The following SORBS2 variants were observed in gnomAD, a reference collection of about 807,000 sequenced individuals.
SORBS2 encodes the protein sorbin and SH3 domain-containing protein 2.
SORBS2 carries 46 observed loss-of-function variants against 97.7 expected under a neutral mutation model. That is an observed-to-expected ratio of 0.47 (90% CI 0.37 to 0.60). The LOEUF (loss-of-function observed/expected upper bound fraction) is 0.60, where lower values mean the gene tolerates loss of function less well. Among genes scored for constraint, SORBS2 ranks in the 20% least tolerant of loss-of-function variants. SORBS2 has a pLI of 0.00. For missense variants in SORBS2, 1,316 were observed against 1,282.3 expected (o/e 1.03, Z -0.40); for synonymous variants, 476 against 473.4 (o/e 1.01, Z -0.07).
intron 12 of SORBS2, among the ~76,000 whole-genome samples, chr4:185,602,899 A>C (rs944509172): frequency 6.6e-6 from 1 of 152,230 alleles, no homozygotes; most frequent in Non-Finnish European, 1.5e-5. Context: ...GTTTAAAAAA[A>C]CTCAGTGGGA....
chr4:185,884,763 T>A (rs1169746126), intron 1 of SORBS2, among the ~76,000 whole-genome samples: 1 of 152,232 alleles, frequency 6.6e-6, no homozygotes, highest in African/African-American at 2.4e-5. Context: ...CAGACTTATA[T>A]GGAGTCGGTG....
chr4:185,710,917 C>T (rs9991266), intron 2 of SORBS2, among the ~76,000 whole-genome samples: 32,497 of 152,090 alleles, frequency 0.21, 3,970 homozygotes, highest in Non-Finnish European at 0.28. Flanking sequence ...GCAAATAAAT[C>T]GTGTGCAAAA....
chr4:185,797,573 C>T (rs902516733), intron 1 of SORBS2, among the ~76,000 whole-genome samples: 7 of 152,106 alleles, frequency 4.6e-5, no homozygotes, highest in Admixed American at 2.6e-4. Context: ...ACGTGCCAGG[C>T]GCTATGCCGG....
At position 185,719,979 on chromosome 4, in the gene SORBS2, CT is replaced by C. The variant is rs548489491; in HGVS notation, c.-197-41158del. Among the ~76,000 whole-genome samples the C allele has an allele frequency of 6.6e-5, 10 of 152,336 alleles. No homozygotes were observed. In the South Asian group the frequency reaches 2.1e-3, roughly 32 times the overall value. ...TGACCAGTGGGTGTGAGAGGAAATG[CT>C]GTGTGCATCTTCCAAGAGGCTGTGG... On this transcript the variant is annotated intron_variant, in intron 2 of 20. Transcript: ENST00000284776.
chr4:185,737,445 C>T (rs1044570595), intron 2 of SORBS2, among the ~76,000 whole-genome samples: 2 of 152,174 alleles, frequency 1.3e-5, no homozygotes, highest in African/African-American at 2.4e-5. Flanking sequence ...GCTGACAATA[C>T]AGGTGCAATT....
At chr4:185,751,977 G>A (rs2098803122) in intron 2 of SORBS2, among the ~76,000 whole-genome samples, 1 of 152,128 alleles carries the variant, frequency 6.6e-6, no homozygotes, top group Admixed American at 6.5e-5. Context: ...GCTGGCAGTG[G>A]GGATGGGGGT....
upstream of SORBS2, among the ~76,000 whole-genome samples, chr4:185,659,716 C>T (rs919093825): frequency 1.9e-4 from 29 of 152,140 alleles, no homozygotes; most frequent in African/African-American, 6.5e-4. Flanking sequence ...CCACCGCGCC[C>T]GGCTAAGCTA....
At chr4:185,700,301 G>A (rs571055603) in intron 2 of SORBS2, among the ~76,000 whole-genome samples, 3 of 151,158 alleles carry the variant, frequency 2.0e-5, no homozygotes, top group East Asian at 1.9e-4. Flanking sequence ...GAGTCTGTGC[G>A]TGAGTCAGGC....
intron 2 of SORBS2, among the ~76,000 whole-genome samples, chr4:185,686,633 G>A (rs1307976706): frequency 1.3e-5 from 2 of 152,234 alleles, no homozygotes; most frequent in Non-Finnish European, 2.9e-5. Context: ...CTGGAAACTG[G>A]TTGAAATGGT....
At chr4:185,727,266 C>G (rs548352559) in intron 2 of SORBS2, among the ~76,000 whole-genome samples, 21 of 152,152 alleles carry the variant, frequency 1.4e-4, no homozygotes, top group Non-Finnish European at 2.5e-4. Flanking sequence ...AAGGATTGTC[C>G]ACGTTTGTAT....
At chr4:185,827,759 C>T (rs139462423) in intron 1 of SORBS2, among the ~76,000 whole-genome samples, 252 of 14,140 alleles carry the variant, frequency 0.018, 6 homozygotes, top group African/African-American at 0.053. Flanking sequence ...ACCATCATCA[C>T]CATCATCATC....
chr4:185,940,255 A>G (rs991271304), intron 1 of SORBS2, among the ~76,000 whole-genome samples: 3 of 152,168 alleles, frequency 2.0e-5, no homozygotes, highest in South Asian at 2.1e-4. Flanking sequence ...TTGATCTCCA[A>G]ACTAGTATGG....
intron 1 of SORBS2, among the ~76,000 whole-genome samples, chr4:185,818,504 A>G (rs1431107792): frequency 6.6e-6 from 1 of 152,174 alleles, no homozygotes. Flanking sequence ...TATTTTTAAA[A>G]GTCAGACTCT....
At chr4:185,651,220 C>T (rs936117282) in intron 2 of SORBS2, among the ~76,000 whole-genome samples, 1 of 152,194 alleles carries the variant, frequency 6.6e-6, no homozygotes, top group Non-Finnish European at 1.5e-5. Context: ...CAGACCCCTG[C>T]ACGAGATACC....
chr4:185,870,303 C>T (rs1017233066), intron 1 of SORBS2, among the ~76,000 whole-genome samples: 2 of 152,212 alleles, frequency 1.3e-5, no homozygotes, highest in Non-Finnish European at 2.9e-5. Context: ...AGACGAGACA[C>T]TGCAGTCTGA....
intron 4 of SORBS2, among the ~76,000 whole-genome samples, chr4:185,634,861 G>A (rs949744106): frequency 2.0e-5 from 3 of 152,066 alleles, no homozygotes; most frequent in Admixed American, 2.0e-4. Context: ...CCAGGTATTT[G>A]CCAGCCCTAT....
At chr4:185,752,071 G>C (rs902094839) in intron 2 of SORBS2, among the ~76,000 whole-genome samples, 9 of 152,090 alleles carry the variant, frequency 5.9e-5, no homozygotes, top group Non-Finnish European at 1.3e-4. Context: ...CCTGGCTCCA[G>C]ATGTCAATGG....
chr4:185,807,170 C>G (rs370680187), intron 1 of SORBS2, among the ~76,000 whole-genome samples: 205 of 152,136 alleles, frequency 1.3e-3, no homozygotes, highest in African/African-American at 4.6e-3. Context: ...AGATAATGTT[C>G]TTTGTTAAAA....
intron 2 of SORBS2, among the ~76,000 whole-genome samples, chr4:185,736,545 C>A (rs2098688914): frequency 6.6e-6 from 1 of 152,160 alleles, no homozygotes; most frequent in African/African-American, 2.4e-5. Context: ...TTTTAACAGT[C>A]TAAAAATGGG....
Sources: allele counts gnomAD v4.1 joint callset (sites outside exome capture counted in the v4.1 genomes callset), GRCh38; gene constraint gnomAD v4.1.1; transcripts MANE v1.5; gene names NCBI Gene and HGNC (gene_info 2026-07-23, HGNC 2026-07-21).